The following KIF26B variants were observed in gnomAD, a reference collection of about 807,000 sequenced individuals.
The protein encoded by KIF26B is kinesin family member 26B.
A neutral mutation model predicts 151.2 loss-of-function variants in KIF26B; 63 were observed. The observed-to-expected ratio is 0.42, with a 90% CI of 0.34 to 0.51. The LOEUF (loss-of-function observed/expected upper bound fraction) is 0.51, where lower values mean the gene tolerates loss of function less well. Among genes scored for constraint, KIF26B ranks in the 20% least tolerant of loss-of-function variants. The probability of loss-of-function intolerance (pLI) is 0.07; values close to 1 mark genes in which losing one functional copy is unlikely to be tolerated. For missense variants in KIF26B, 2,813 were observed against 2,913.6 expected (o/e 0.97, Z 0.79); for synonymous variants, 1,357 against 1,262.1 (o/e 1.08, Z -1.59).
intron 4 of KIF26B, among the ~76,000 whole-genome samples, chr1:245,527,582 G>A (rs924519490): frequency 1.7e-5 from 2 of 116,184 alleles, no homozygotes; most frequent in African/African-American, 3.5e-5. Context: ...CGCCCAGGCT[G>A]GAGCGCAGTG....
chr1:245,183,021 TATC>T (rs1013636731), intron 2 of KIF26B, among the ~76,000 whole-genome samples: 4 of 152,260 alleles, frequency 2.6e-5, no homozygotes, highest in African/African-American at 9.6e-5. Flanking sequence ...TCGATGCTAG[TATC>T]ACCCTGTAGC....
In KIF26B at chr1:245,358,135, G is replaced by A. The variant is rs1031924635; in HGVS notation, c.466-8699G>A. Among the ~76,000 whole-genome samples the A allele has an allele frequency of 1.3e-5, 2 of 152,074 alleles. No homozygotes were observed. Among genetic ancestry groups the A allele is most frequent in the Admixed American group, 6.6e-5 (1 of 15,260 alleles). ...TCACCATGTTGCCCAGGCTGGTCTC[G>A]AACTTCAGATCTGCCCACCTCAGTT... On this transcript the variant is annotated intron_variant, in intron 2 of 14. Transcript: ENST00000407071. This position sits in a 1 kb window ranked among gnomAD's most constrained non-coding sequence, Gnocchi z 4.1.
At chr1:245,204,782 AT>A (rs199768210) in intron 2 of KIF26B, among the ~76,000 whole-genome samples, 17 of 149,738 alleles carry the variant, frequency 1.1e-4, no homozygotes, top group South Asian at 8.5e-4. Flanking sequence ...ATTTTGTGTG[AT>A]TTTTTTTTTC....
intron 5 of KIF26B, among the ~76,000 whole-genome samples, chr1:245,587,109 C>A (rs149697244): frequency 1.3e-5 from 2 of 152,132 alleles, no homozygotes; most frequent in African/African-American, 2.4e-5. Context: ...TCCAAGACAC[C>A]GGTCAGCCTG....
intron 10 of KIF26B, among the ~76,000 whole-genome samples, chr1:245,679,518 G>C (rs2147947991): frequency 7.3e-6 from 1 of 136,702 alleles, no homozygotes; most frequent in African/African-American, 2.8e-5. Flanking sequence ...ACCCAGGCTG[G>C]AGTGCAGTGG....
chr1:245,443,222 C>T (rs1232377996), intron 4 of KIF26B, among the ~76,000 whole-genome samples: 1 of 151,010 alleles, frequency 6.6e-6, no homozygotes, highest in African/African-American at 2.4e-5. Context: ...CCTCACTGTT[C>T]ACCTACAGCG....
rs1660491219 is a variant in KIF26B, at chr1:245,495,367, T to C, written c.1167-45400T>C. On this transcript the variant is annotated intron_variant, in intron 4 of 14. Transcript: ENST00000407071. This position sits in a 1 kb window ranked among gnomAD's most constrained non-coding sequence, Gnocchi z 4.2. ...AGTTGACACATAATAATTGTACATATTTGTAGGTACATATTTATAGGATAC... is the reference window on the plus strand; with the variant it reads ...AGTTGACACATAATAATTGTACATACTTGTAGGTACATATTTATAGGATAC... 6.6e-6 allele frequency among the ~76,000 whole-genome samples: 1 copy of C among 152,224 alleles called. No individual in the cohort carries two copies. Among genetic ancestry groups the C allele is most frequent in the Admixed American group, 6.5e-5 (1 of 15,290 alleles).
At chr1:245,607,832 T>C (rs1167906340) in intron 7 of KIF26B, 88 bp downstream of exon 7, 4 of 1,021,850 alleles carry the variant, frequency 3.9e-6, no homozygotes, top group Non-Finnish European at 5.8e-6. Context: ...AGTTCTCTGA[T>C]GACAGGAAGG....
In KIF26B at chr1:245,597,917, G is replaced by A. The variant is rs530691013; in HGVS notation, c.1351-4660G>A. Among the ~76,000 whole-genome samples the A allele has an allele frequency of 2.6e-5, 4 of 151,954 alleles. No homozygotes were observed. In the South Asian group the frequency reaches 8.3e-4, roughly 32 times the overall value. On this transcript the variant is annotated intron_variant, in intron 5 of 14. Transcript: ENST00000407071. The surrounding 1 kb of genome is among the most constrained non-coding windows in gnomAD (Gnocchi z 4.6). ...CTGCTATCCTTTCTTCCGCTTGATC[G>A]ATTCAGCTATTGATACTGTGTGTGC...
intron 2 of KIF26B, among the ~76,000 whole-genome samples, chr1:245,255,785 A>G (rs565337342): frequency 6.6e-6 from 1 of 152,220 alleles, no homozygotes; most frequent in South Asian, 2.1e-4. Flanking sequence ...AAATCTGGGG[A>G]CATGGAAATT....
intron 2 of KIF26B, among the ~76,000 whole-genome samples, chr1:245,320,683 A>G (rs928181428): frequency 2.6e-5 from 4 of 151,726 alleles, no homozygotes; most frequent in East Asian, 1.9e-4. Flanking sequence ...TGTTTTATTT[A>G]TTTATTTATT....
At chr1:245,160,200 A>C (rs927170164) in intron 2 of KIF26B, among the ~76,000 whole-genome samples, 6 of 152,148 alleles carry the variant, frequency 3.9e-5, no homozygotes, top group African/African-American at 1.4e-4. Context: ...AGATTGTAAA[A>C]CACTCAGATT....
rs1021792312 is a variant in KIF26B, at chr1:245,495,573, G to T, written c.1167-45194G>T. Among the ~76,000 whole-genome samples, 1 of 152,078 alleles carries T rather than the reference G, an allele frequency of 6.6e-6. No homozygotes were observed. The highest frequency in any genetic ancestry group is 1.5e-5 in the Non-Finnish European group (1 of 68,022). On this transcript the variant is annotated intron_variant, in intron 4 of 14. Transcript: ENST00000407071. This position sits in a 1 kb window ranked among gnomAD's most constrained non-coding sequence, Gnocchi z 4.2. ...CCATATTCACCTGAGAGTGCTGCAG[G>T]ATGCCAGAACTCCTTCCTCCTACAT...
At position 245,471,115 on chromosome 1, in the gene KIF26B, A is replaced by ATGTG. The variant is rs1553277413; in HGVS notation, c.1166+51384_1166+51387dup. On this transcript the variant is annotated intron_variant, in intron 4 of 14. Transcript: ENST00000407071. The stretch of plus-strand genomic sequence containing the variant: ...AGCCTATTATTTAGATTTTGATAGT[A>ATGTG]TGTGTGTGTGTGTGTGTATATATAT... Among the ~76,000 whole-genome samples, 792 of 142,558 alleles carry ATGTG rather than the reference A, an allele frequency of 5.6e-3. 6 individuals carry two copies. Among genetic ancestry groups the ATGTG allele is most frequent in the African/African-American group, 0.02 (768 of 38,908 alleles). The allele number at this position is 142,558 out of a possible 152,430, so 93.5% of individuals were successfully genotyped here.
chr1:245,498,092 A>T (rs1660548255), intron 4 of KIF26B, among the ~76,000 whole-genome samples: 1 of 152,242 alleles, frequency 6.6e-6, no homozygotes, highest in South Asian at 2.1e-4. Context: ...AACATCATTT[A>T]TTATTATCCA....
At chr1:245,430,048 G>C (rs535621281) in intron 4 of KIF26B, among the ~76,000 whole-genome samples, 1 of 152,226 alleles carries the variant, frequency 6.6e-6, no homozygotes, top group Non-Finnish European at 1.5e-5. Context: ...AGGCCAGCAA[G>C]CTGGAATTGT....
intron 4 of KIF26B, among the ~76,000 whole-genome samples, chr1:245,422,088 T>C (rs1658502014): frequency 1.3e-5 from 2 of 152,138 alleles, no homozygotes; most frequent in African/African-American, 4.8e-5. Flanking sequence ...GCTTGCAGTA[T>C]GAGCTTTCAA....
At chr1:245,233,434 T>C (rs1473965059) in intron 2 of KIF26B, among the ~76,000 whole-genome samples, 1 of 152,202 alleles carries the variant, frequency 6.6e-6, no homozygotes, top group African/African-American at 2.4e-5. Context: ...AAGCGTGACC[T>C]GAGGACCAGT....
intron 4 of KIF26B, among the ~76,000 whole-genome samples, chr1:245,519,250 A>G (rs1482444634): frequency 6.6e-6 from 1 of 152,132 alleles, no homozygotes; most frequent in African/African-American, 2.4e-5. Flanking sequence ...AAAAAAGGTT[A>G]GGTAAAAATT....
Sources: gnomAD v4.1 joint callset for allele counts (sites outside exome capture counted in the v4.1 genomes callset) on GRCh38, gnomAD v4.1.1 for gene constraint, Gnocchi (gnomAD v3.1) non-coding constraint, MANE v1.5 for transcripts, NCBI Gene and HGNC (gene_info 2026-07-23, HGNC 2026-07-21) for gene names.